The following PKP4 variants were observed in gnomAD, a reference collection of about 807,000 sequenced individuals.
PKP4 encodes plakophilin-4.
PKP4 carries 90 observed loss-of-function variants against 145.1 expected under a neutral mutation model. The ratio of observed to expected loss-of-function variants is 0.62; its 90% confidence interval spans 0.52 to 0.74. PKP4 has a LOEUF of 0.74. Among genes scored for constraint, PKP4 ranks in the 30% least tolerant of loss-of-function variants. PKP4 has a pLI of 0.00. For synonymous variants in PKP4, 563 were observed against 577.2 expected (o/e 0.98, Z 0.35); for missense variants, 1,340 against 1,482.7 (o/e 0.90, Z 1.58).
At chr2:158,614,279 T>C (rs543139426) in intron 4 of PKP4, among the ~76,000 whole-genome samples, 157 of 152,260 alleles carry the variant, frequency 1.0e-3, no homozygotes, top group Non-Finnish European at 1.9e-3. Context: ...TGTTTAAAAC[T>C]TCAATTACAA....
At chr2:158,579,157 A>G (rs1452175121) in intron 3 of PKP4, among the ~76,000 whole-genome samples, 1 of 152,196 alleles carries the variant, frequency 6.6e-6, no homozygotes, top group Non-Finnish European at 1.5e-5. Context: ...AGAAAATGGC[A>G]CCACTAAAGA....
intron 1 of PKP4, among the ~76,000 whole-genome samples, chr2:158,515,113 C>A (rs6744474): frequency 0.67 from 101,818 of 152,072 alleles, 34,329 homozygotes; most frequent in South Asian, 0.84. Flanking sequence ...CTGTCCTAAA[C>A]TGGACATGTT....
intron 2 of PKP4, among the ~76,000 whole-genome samples, chr2:158,536,782 C>T (rs2044085715): frequency 6.6e-6 from 1 of 152,170 alleles, no homozygotes; most frequent in African/African-American, 2.4e-5. Context: ...ATCCTTGCTC[C>T]TTGACAGAAA....
At chr2:158,624,668 A>G (rs2052579496) in intron 6 of PKP4, among the ~76,000 whole-genome samples, 1 of 149,818 alleles carries the variant, frequency 6.7e-6, no homozygotes, top group South Asian at 2.1e-4. Flanking sequence ...ATTTGGTTTA[A>G]ACCACCAAAA....
intron 12 of PKP4, chr2:158,658,580 G>A (rs2056226353): frequency 3.1e-6 from 1 of 324,638 alleles, no homozygotes; most frequent in Admixed American, 5.0e-5. Context: ...AAATTCCAGT[G>A]TTTTCCACTT....
intron 2 of PKP4, among the ~76,000 whole-genome samples, chr2:158,550,494 A>G (rs536999863): frequency 6.6e-6 from 1 of 152,336 alleles, no homozygotes; most frequent in East Asian, 1.9e-4. Context: ...CCTTGGACAA[A>G]CAGTGTGACC....
intron 3 of PKP4, among the ~76,000 whole-genome samples, chr2:158,579,846 T>A (rs2048179708): frequency 6.6e-6 from 1 of 151,680 alleles, no homozygotes; most frequent in Admixed American, 6.6e-5. Context: ...CAATTTAAAA[T>A]ATATATATAT....
intron 3 of PKP4, among the ~76,000 whole-genome samples, chr2:158,593,688 C>T (rs955791071): frequency 3.9e-5 from 6 of 152,278 alleles, no homozygotes; most frequent in African/African-American, 7.2e-5. Context: ...GCAACTTTCG[C>T]CTTCAGGAGG....
chr2:158,664,247 G>T (rs1399830099), intron 15 of PKP4, among the ~76,000 whole-genome samples: 2 of 152,344 alleles, frequency 1.3e-5, no homozygotes, highest in South Asian at 2.1e-4. Context: ...CACAGGTTGG[G>T]CAGCACTGTG....
intron 4 of PKP4, among the ~76,000 whole-genome samples, chr2:158,620,633 G>A (rs1172939450): frequency 6.6e-6 from 1 of 152,180 alleles, no homozygotes; most frequent in East Asian, 1.9e-4. Flanking sequence ...TTGGAAGATG[G>A]AGGACCCTTC....
chr2:158,516,896 C>T (rs940616957), intron 1 of PKP4, among the ~76,000 whole-genome samples: 1 of 152,174 alleles, frequency 6.6e-6, no homozygotes, highest in Non-Finnish European at 1.5e-5. Context: ...CTTCTGACCT[C>T]ATGATCCGCC....
intron 4 of PKP4, among the ~76,000 whole-genome samples, chr2:158,605,799 C>T (rs563680511): frequency 1.5e-4 from 23 of 152,252 alleles, no homozygotes; most frequent in African/African-American, 5.3e-4. Context: ...CATTTTACCC[C>T]CAAACTTACC....
intron 1 of PKP4, among the ~76,000 whole-genome samples, chr2:158,472,384 C>T (rs1378150291): frequency 6.6e-6 from 1 of 151,956 alleles, no homozygotes; most frequent in African/African-American, 2.4e-5. Context: ...CCGAGGCGGG[C>T]AGATCATGAG....
chr2:158,471,436 G>A (rs951654284), intron 1 of PKP4, among the ~76,000 whole-genome samples: 3 of 152,186 alleles, frequency 2.0e-5, no homozygotes, highest in African/African-American at 4.8e-5. Context: ...TTGTCTGCTC[G>A]TATTTTCTGG....
chr2:158,548,733 A>T, intron 2 of PKP4: 1 of 287,432 alleles, frequency 3.5e-6, no homozygotes, highest in South Asian at 4.2e-5. Flanking sequence ...GCCCATAAGT[A>T]CTGACCAGAG....
At chr2:158,532,871 A>G (rs889463412) in intron 1 of PKP4, among the ~76,000 whole-genome samples, 10 of 152,168 alleles carry the variant, frequency 6.6e-5, no homozygotes, top group African/African-American at 2.2e-4. Flanking sequence ...TTTCTGTTGC[A>G]AAAACCTCTT....
rs1269342777 is a variant in PKP4, at chr2:158,634,118, C to A, written c.1391C>A (p.Thr464Lys). 1 of 1,613,996 alleles carries A rather than the reference C, an allele frequency of 6.2e-7. No individual in the cohort carries two copies. ...QRTSSQRSTL[T>K]YQRNNYALNT... Reference sequence around the variant, plus strand: ...ACATCCAGCCAACGAAGTACCCTTACATACCAAAGAAATAATTATGCTCTG... The same window carrying A: ...ACATCCAGCCAACGAAGTACCCTTAAATACCAAAGAAATAATTATGCTCTG... Residue 464 changes from threonine to lysine, a missense_variant, in exon 9 of 22, where the codon ACA (threonine) becomes AAA (lysine). Transcript: ENST00000389759.
intron 2 of PKP4, among the ~76,000 whole-genome samples, chr2:158,561,975 G>A (rs2046569729): frequency 1.7e-5 from 2 of 116,326 alleles, no homozygotes; most frequent in South Asian, 5.3e-4. Flanking sequence ...TCCCCGCCCT[G>A]TGTCCAAGTG....
intron 4 of PKP4, among the ~76,000 whole-genome samples, chr2:158,606,912 C>T (rs557717987): frequency 1.3e-5 from 2 of 152,248 alleles, no homozygotes; most frequent in East Asian, 3.9e-4. Flanking sequence ...TAGGGGAATT[C>T]TATAAGGGAA....
Sources: allele counts gnomAD v4.1 joint callset (sites outside exome capture counted in the v4.1 genomes callset), GRCh38; gene constraint gnomAD v4.1.1; transcripts MANE v1.5; gene names NCBI Gene and HGNC (gene_info 2026-07-23, HGNC 2026-07-21).